SEC24C: variants seen among roughly 807,000 people sequenced by gnomAD.
SEC24C encodes the protein protein transport protein Sec24C.
A neutral mutation model predicts 117.0 loss-of-function variants in SEC24C; 22 were observed. The observed-to-expected ratio is 0.19, with a 90% confidence interval of 0.13 to 0.27. The LOEUF is 0.27. SEC24C is among the 10% of genes least tolerant of loss of function. The pLI is 1.00. For synonymous variants in SEC24C, 506 were observed against 529.4 expected, an observed-to-expected ratio of 0.96 and a Z score of 0.61; for missense variants, 1,155 against 1,375.1, an observed-to-expected ratio of 0.84 and a Z score of 2.53.
At chr10:73,765,333 CTCTGCAGACAGAATA>C in intron 8 of SEC24C, 103 bp from the exon 9 acceptor site, 1 of 1,115,968 alleles carries the variant, frequency 9.0e-7, no homozygotes, top group Non-Finnish European at 1.3e-6. Context: ...TCCCTACTCC[CTCTGCAGACAGAATA>C]TCTGCGCCAT....
chr10:73,766,093 A>G lies in SEC24C; in HGVS notation c.1490A>G (p.Lys497Arg), dbSNP rs1327593105. 1 of 1,612,812 alleles carries G rather than the reference A, an allele frequency of 6.2e-7. No individual in the cohort carries two copies. The highest frequency in any genetic ancestry group is 1.1e-5 in the South Asian group (1 of 91,048). ...CATTTTCTTCCTCTGCAGAACAATA[A>G]GTTCCCCAGCCCTCCTGCCTTTATC... ...LATVDYCKNN[K>R]FPSPPAFIFM... The change falls in exon 11 of 23, where the codon AAG (lysine) becomes AGG (arginine). Residue 497 changes from lysine to arginine, a missense_variant. By Grantham distance (26) the Lys-to-Arg change is conservative. Coordinates refer to ENST00000345254, the MANE Select transcript of SEC24C (RefSeq NM_198597.3).
Position 73,769,057 on chromosome 10 carries a change from G to C in SEC24C, c.2329G>C (p.Asp777His), listed in dbSNP as rs2082930682. The C allele has an allele frequency of 3.1e-6, 5 of 1,614,144 alleles. No homozygotes were observed. The highest frequency in any genetic ancestry group is 4.2e-6 in the Non-Finnish European group (5 of 1,180,060). ...AGCTTTCTACATGAGCAACACGACA[G>C]ATGTGGAGCTGGCTGGGCTAGATGG... ...FGAFYMSNTT[D>H]VELAGLDGDK... is the part of the protein sequence containing the mutation. The change falls in exon 17 of 23, where the codon GAT becomes CAT. Residue 777 changes from aspartate to histidine, a missense_variant. Transcript: ENST00000345254. This position sits in a 1 kb window ranked among gnomAD's most constrained non-coding sequence, Gnocchi z 4.5.
chr10:73,769,096 A>G lies in SEC24C; in HGVS notation c.2368A>G (p.Thr790Ala), dbSNP rs1302367064. 6.2e-7 allele frequency: 1 copy of G among 1,614,054 alleles called. No individual in the cohort carries two copies. The highest frequency in any genetic ancestry group is 1.3e-5 in the African/African-American group (1 of 74,928). Reference sequence around the variant, plus strand: ...TGGGCTAGATGGGGACAAAACAGTGACTGTGGAGTTCAAGCATGACGATCG... The same window carrying G: ...TGGGCTAGATGGGGACAAAACAGTGGCTGTGGAGTTCAAGCATGACGATCG... ...LAGLDGDKTV[T>A]VEFKHDDRLN... is the part of the protein sequence containing the mutation. The change falls in exon 17 of 23, where the codon ACT becomes GCT. Residue 790 changes from threonine (T) to alanine (A), a missense_variant. Thr to Ala is a moderately conservative substitution (Grantham distance 58, BLOSUM62 0). Coordinates refer to ENST00000345254, the MANE Select transcript of SEC24C (RefSeq NM_198597.3). The surrounding 1 kb of genome is among the most constrained non-coding windows in gnomAD (Gnocchi z 4.5).
Position 73,760,015 on chromosome 10 carries a change from C to G in SEC24C, c.482-3C>G. On this transcript the variant is annotated splice_region_variant and splice_polypyrimidine_tract_variant and intron_variant, in intron 4 of 22. Coordinates refer to ENST00000345254, the MANE Select transcript of SEC24C (RefSeq NM_198597.3). ...TTGACTCTACCTTTATTCTACTTCT[C>G]AGGCCCACCAACATCGCTGGCTTCA... is the stretch of plus-strand genomic sequence containing the variant. 1 of 1,569,204 alleles carries G rather than the reference C, an allele frequency of 6.4e-7. No homozygotes were observed. The highest frequency in any genetic ancestry group is 8.7e-7 in the Non-Finnish European group (1 of 1,154,330).
intron 3 of SEC24C, among the ~76,000 whole-genome samples, chr10:73,753,961 T>G (rs1174102139): frequency 1.3e-5 from 2 of 150,934 alleles, no homozygotes; most frequent in Non-Finnish European, 3.0e-5. Context: ...ATTATGAGGT[T>G]TTTTTTTTTA....
chr10:73,770,043 C>T, intron 20 of SEC24C, 28 bp downstream of exon 20: 1 of 1,606,804 alleles, frequency 6.2e-7, no homozygotes, highest in East Asian at 2.2e-5. Flanking sequence ...AGTATGAGAT[C>T]TTGCACGGAG....
At position 73,771,829 on chromosome 10, in the gene SEC24C, T is replaced by TA. The variant is rs1260310048; in HGVS notation, c.*735dup. On this transcript the variant is annotated 3_prime_UTR_variant, in exon 23 of 23. Coordinates refer to ENST00000345254, the MANE Select transcript of SEC24C (RefSeq NM_198597.3). The stretch of plus-strand genomic sequence containing the variant: ...AGGGAGCCTGGTCATCAACTTGCAA[T>TA]ACCTCACAGAGCCAGTTCACATCCC... 1 of 154,400 alleles carries TA rather than the reference T, an allele frequency of 6.5e-6. No individual in the cohort carries two copies. The highest frequency in any genetic ancestry group is 2.4e-5 in the African/African-American group (1 of 41,530). 9.6% of individuals were successfully genotyped at this position (154,400 alleles called of 1,614,324 possible). A position where few individuals can be genotyped will look rare whatever the true frequency, so the allele number is the denominator to read the frequency against.
intron 22 of SEC24C, 37 bp downstream of exon 22, chr10:73,770,835 C>T (rs746220780): frequency 6.2e-7 from 1 of 1,611,664 alleles, no homozygotes; most frequent in South Asian, 1.1e-5. Flanking sequence ...CTTACCTTGT[C>T]AAGTCCTCAC....
intron 6 of SEC24C, among the ~76,000 whole-genome samples, chr10:73,763,011 T>A (rs187482967): frequency 6.6e-6 from 1 of 152,360 alleles, no homozygotes; most frequent in African/African-American, 2.4e-5. Flanking sequence ...CCTTGTAATT[T>A]CATTGAGTGT....
chr10:73,767,027 A>G (rs1237892187), intron 13 of SEC24C, 27 bp from the exon 14 acceptor site: 1 of 1,557,928 alleles, frequency 6.4e-7, no homozygotes, highest in East Asian at 2.2e-5. Flanking sequence ...ATAAAGAATA[A>G]ACAAGTAGTC....
At chr10:73,753,769 C>T (rs1448117164) in intron 3 of SEC24C, among the ~76,000 whole-genome samples, 1 of 152,216 alleles carries the variant, frequency 6.6e-6, no homozygotes, top group African/African-American at 2.4e-5. Context: ...TAAGCTCCAC[C>T]TCTGTCTTCT....
At position 73,770,417 on chromosome 10, in the gene SEC24C, T is replaced by C. The variant is rs1373781522; in HGVS notation, c.3000T>C (p.Gly1000=). 1.9e-6 allele frequency: 3 copies of C among 1,613,876 alleles called. No homozygotes were observed. Among genetic ancestry groups the C allele is most frequent in the Non-Finnish European group, 2.5e-6 (3 of 1,179,998 alleles). The part of the protein sequence containing the change: ...FLWVGASVQQ[G]VVQSLFSVSS... ...GGGTGGGAGCAAGCGTCCAACAGGGTGTTGTCCAGAGCCTTTTCAGCGTCT... is the reference window on the plus strand; with the variant it reads ...GGGTGGGAGCAAGCGTCCAACAGGGCGTTGTCCAGAGCCTTTTCAGCGTCT... Residue 1000 remains glycine, a synonymous_variant, in exon 21 of 23, where the codon GGT becomes GGC. Coordinates refer to ENST00000345254, the MANE Select transcript of SEC24C (RefSeq NM_198597.3).
At chr10:73,759,478 A>G in intron 3 of SEC24C, 144 bp from the exon 4 acceptor site, 1 of 502,988 alleles carries the variant, frequency 2.0e-6, no homozygotes, top group Non-Finnish European at 3.2e-6. Flanking sequence ...ACAAATATAC[A>G]AAAGTATGAA....
chr10:73,766,756 T>C lies in SEC24C; in HGVS notation c.1800-4T>C. 1 of 1,613,636 alleles carries C rather than the reference T, an allele frequency of 6.2e-7. No individual in the cohort carries two copies. The highest frequency in any genetic ancestry group is 1.7e-4 in the Middle Eastern group (1 of 6,060). ...TGGTTGTTTTCCGTCACCTATCTCT[T>C]TAGCTTATTGGATCAGATTCCAGAA... On this transcript the variant is annotated splice_polypyrimidine_tract_variant and splice_region_variant and intron_variant, in intron 12 of 22. Coordinates refer to ENST00000345254, the MANE Select transcript of SEC24C (RefSeq NM_198597.3).
chr10:73,763,192 G>C (rs1369582770), intron 6 of SEC24C, among the ~76,000 whole-genome samples: 1 of 152,120 alleles, frequency 6.6e-6, no homozygotes, highest in African/African-American at 2.4e-5. Flanking sequence ...CCTGGAATGG[G>C]AGGAATGAGA....
Position 73,751,143 on chromosome 10 carries a change from C to T in SEC24C, c.208C>T (p.Pro70Ser), listed in dbSNP as rs1338683794. 6.2e-7 allele frequency: 1 copy of T among 1,614,202 alleles called. No individual in the cohort carries two copies. Among genetic ancestry groups the T allele is most frequent in the South Asian group, 1.1e-5 (1 of 91,084 alleles). The change falls in exon 3 of 23, where the codon CCA (proline) becomes TCA (serine). Residue 70 changes from proline to serine, a missense_variant. Physicochemically the swap from Pro to Ser is moderately conservative, Grantham distance 74 (BLOSUM62 -1). This residue lies in a region of SEC24C where 396 missense variants were observed against 382.8 expected (regional missense o/e 1.03). Transcript: ENST00000345254. ...SRAPPSSGAP[P>S]ASTAQAPCGQ... ...AGCCCCACCTTCCTCGGGGGCACCT[C>T]CAGCCTCAACAGCACAGGCTCCTTG...
At chr10:73,762,211 G>C in intron 6 of SEC24C, 1 of 1,240,548 alleles carries the variant, frequency 8.1e-7, no homozygotes, top group Non-Finnish European at 1.1e-6. Context: ...TCCTGTGTTA[G>C]TGCCATCCAT....
intron 14 of SEC24C, among the ~76,000 whole-genome samples, chr10:73,767,569 G>C (rs954996003): frequency 6.6e-6 from 1 of 152,136 alleles, no homozygotes; most frequent in African/African-American, 2.4e-5. Context: ...TTGGGAGTCT[G>C]AGGCAGGAGA....
chr10:73,747,294 T>C (rs2082570481), intron 2 of SEC24C, among the ~76,000 whole-genome samples: 2 of 152,240 alleles, frequency 1.3e-5, no homozygotes, highest in South Asian at 4.1e-4. Context: ...GCACTTCTCC[T>C]GCCTCAGCCT....
Sources: allele counts gnomAD v4.1 joint callset (sites outside exome capture counted in the v4.1 genomes callset), GRCh38; gene constraint gnomAD v4.1.1; regional missense constraint gnomAD v4.1.1; non-coding constraint Gnocchi (gnomAD v3.1); transcripts MANE v1.5; gene names NCBI Gene and HGNC (gene_info 2026-07-23, HGNC 2026-07-21).